The following POU6F2 variants were observed in gnomAD, a reference collection of about 807,000 sequenced individuals.
POU6F2 encodes POU class 6 homeobox 2, also known as POU domain, class 6, transcription factor 2.
A neutral mutation model predicts 71.3 loss-of-function variants in POU6F2; 31 were observed. That is an observed-to-expected ratio of 0.43 (90% CI 0.33 to 0.59). The LOEUF is 0.59. Among genes scored for constraint, POU6F2 ranks in the 20% least tolerant of loss-of-function variants. The pLI, the probability that POU6F2 is intolerant of heterozygous loss-of-function variation, is 0.04. For missense variants in POU6F2, 783 were observed against 856.8 expected, an observed-to-expected ratio of 0.91 and a Z score of 1.07; for synonymous variants, 347 against 355.7, an observed-to-expected ratio of 0.98 and a Z score of 0.27.
At chr7:39,404,851 G>T (rs572401716) in intron 5 of POU6F2, 9 of 151,632 alleles carry the variant, frequency 5.9e-5, no homozygotes, top group African/African-American at 2.2e-4. Flanking sequence ...TACAAACAAG[G>T]AGAGTTACTT....
chr7:39,147,574 G>A (rs1289059026), intron 2 of POU6F2, among the ~76,000 whole-genome samples: 2 of 152,128 alleles, frequency 1.3e-5, no homozygotes, highest in Non-Finnish European at 2.9e-5. Context: ...CCCAGGCCAG[G>A]GTAGGTTCTC....
intron 4 of POU6F2, among the ~76,000 whole-genome samples, chr7:39,248,108 A>G (rs891518963): frequency 6.6e-6 from 1 of 152,148 alleles, no homozygotes; most frequent in Non-Finnish European, 1.5e-5. Flanking sequence ...CAGGAAAAAA[A>G]AAAGAAAGAA....
chr7:39,253,991 A>T (rs138913448), intron 4 of POU6F2, among the ~76,000 whole-genome samples: 1 of 152,260 alleles, frequency 6.6e-6, no homozygotes, highest in East Asian at 1.9e-4. Context: ...AGGACACTTA[A>T]GGGCCATTGG....
intron 4 of POU6F2, among the ~76,000 whole-genome samples, chr7:39,260,641 C>T (rs1305382960): frequency 6.6e-6 from 1 of 151,428 alleles, no homozygotes; most frequent in African/African-American, 2.4e-5. Context: ...ACCACACATA[C>T]ATCACATGCA....
At chr7:39,219,084 T>C (rs993401407) in intron 4 of POU6F2, among the ~76,000 whole-genome samples, 1 of 152,186 alleles carries the variant, frequency 6.6e-6, no homozygotes, top group Admixed American at 6.5e-5. Context: ...CACCAGGTTA[T>C]GTGGGGCTCC....
intron 4 of POU6F2, among the ~76,000 whole-genome samples, chr7:39,240,188 C>T (rs1425567991): frequency 3.3e-5 from 5 of 151,988 alleles, no homozygotes; most frequent in Admixed American, 6.6e-5. Flanking sequence ...TTGTTTGTAC[C>T]GGAATTAAGG....
At chr7:39,298,825 A>G (rs1421344677) in intron 4 of POU6F2, among the ~76,000 whole-genome samples, 3 of 152,234 alleles carry the variant, frequency 2.0e-5, no homozygotes, top group Non-Finnish European at 2.9e-5. Context: ...CTATGATGCC[A>G]TAAAAAAAGA....
At chr7:39,400,512 C>T (rs985372298) in intron 5 of POU6F2, among the ~76,000 whole-genome samples, 4 of 152,178 alleles carry the variant, frequency 2.6e-5, no homozygotes, top group Non-Finnish European at 5.9e-5. Context: ...ATTGCCAACC[C>T]TCATCTTCAC....
chr7:39,267,644 T>A (rs79682948), intron 4 of POU6F2, among the ~76,000 whole-genome samples: 26,302 of 151,886 alleles, frequency 0.17, 2,394 homozygotes, highest in Middle Eastern at 0.21. Flanking sequence ...TTATTTATTT[T>A]TTTTTTTTAG....
rs1787665238 is a variant in POU6F2 at position 39,416,083 on chromosome 7, C to G, written c.1113+9343C>G. Reference sequence around the variant, plus strand: ...TGCTCTGTCAACCTCACAGATTTCTCTCGAAGGCATACACACACACACACA... The same window carrying G: ...TGCTCTGTCAACCTCACAGATTTCTGTCGAAGGCATACACACACACACACA... On this transcript the variant is annotated intron_variant, in intron 6 of 9. Transcript: ENST00000518318. Among the ~76,000 whole-genome samples, 5 of 138,830 alleles carry G rather than the reference C, an allele frequency of 3.6e-5. No individual in the cohort carries two copies. In the South Asian group the frequency reaches 1.1e-3, roughly 32 times the overall value. 91.1% of individuals were successfully genotyped at this position (138,830 alleles called of 152,430 possible). A position where few individuals can be genotyped will look rare whatever the true frequency, so the allele number is the denominator to read the frequency against.
At chr7:39,227,504 A>T (rs944388873) in intron 4 of POU6F2, among the ~76,000 whole-genome samples, 1 of 149,688 alleles carries the variant, frequency 6.7e-6, no homozygotes, top group African/African-American at 2.5e-5. Flanking sequence ...AGGCCCCTTC[A>T]TGGAGTTCTG....
intron 1 of POU6F2, among the ~76,000 whole-genome samples, chr7:38,987,472 A>C (rs1788491586): frequency 1.3e-5 from 2 of 152,282 alleles, no homozygotes; most frequent in South Asian, 4.1e-4. Flanking sequence ...TAGTGTATCT[A>C]GATTAGTGAA....
intron 4 of POU6F2, among the ~76,000 whole-genome samples, chr7:39,269,717 G>A (rs1018894149): frequency 2.0e-5 from 3 of 152,188 alleles, no homozygotes; most frequent in African/African-American, 7.2e-5. Flanking sequence ...AGTGAAGCCT[G>A]CTAGGGCTTT....
intron 1 of POU6F2, among the ~76,000 whole-genome samples, chr7:39,075,391 G>T (rs1195826984): frequency 6.6e-6 from 1 of 152,068 alleles, no homozygotes; most frequent in Non-Finnish European, 1.5e-5. Context: ...ATATTAGTCT[G>T]TCAGCAGGGG....
chr7:39,461,220 C>T (rs1191752662), intron 9 of POU6F2, among the ~76,000 whole-genome samples: 1 of 152,140 alleles, frequency 6.6e-6, no homozygotes, highest in Admixed American at 6.5e-5. Context: ...TTTAAAAGCA[C>T]ATTTATAAGA....
In POU6F2 at chr7:39,332,346, G is replaced by T. The variant is rs190433493; in HGVS notation, c.599-7296G>T. Among the ~76,000 whole-genome samples, 263 of 152,308 alleles carry T rather than the reference G, an allele frequency of 1.7e-3. 1 individual carries two copies. Among genetic ancestry groups the T allele is most frequent in the Non-Finnish European group, 2.9e-3 (199 of 68,030 alleles). On this transcript the variant is annotated intron_variant, in intron 4 of 9. Transcript: ENST00000518318. ...ACTGCTATACAGCTGTCACAGTGGG[G>T]CTCCCTTGTGTTGCTCTCTTGAGTG...
chr7:38,979,634 T>C (rs1788267056), intron 1 of POU6F2, among the ~76,000 whole-genome samples: 1 of 152,150 alleles, frequency 6.6e-6, no homozygotes, highest in South Asian at 2.1e-4. Flanking sequence ...ATATCAAATA[T>C]AGCTAAAATA....
At chr7:39,313,193 C>T (rs370117266) in intron 4 of POU6F2, among the ~76,000 whole-genome samples, 22 of 152,278 alleles carry the variant, frequency 1.4e-4, no homozygotes, top group African/African-American at 4.6e-4. Flanking sequence ...GACCCACACT[C>T]TCCAGCCTCA....
intron 8 of POU6F2, among the ~76,000 whole-genome samples, chr7:39,454,140 A>G (rs1335067625): frequency 6.6e-6 from 1 of 152,230 alleles, no homozygotes; most frequent in African/African-American, 2.4e-5. Context: ...AGGATATGAT[A>G]AAGAATACAG....
Sources: allele counts gnomAD v4.1 joint callset (sites outside exome capture counted in the v4.1 genomes callset), GRCh38; gene constraint gnomAD v4.1.1; transcripts MANE v1.5; gene names NCBI Gene and HGNC (gene_info 2026-07-23, HGNC 2026-07-21).